KCNIP4: variants seen among roughly 807,000 people sequenced by gnomAD.
KCNIP4 encodes the protein Kv channel-interacting protein 4.
A neutral mutation model predicts 34.0 loss-of-function variants in KCNIP4; 12 were observed. The observed-to-expected ratio is 0.35, with a 90% confidence interval of 0.23 to 0.57. KCNIP4 has a LOEUF of 0.57. Ranked by LOEUF, KCNIP4 falls within the 20% of genes least tolerant of loss-of-function variation. The pLI is 0.83. For missense variants in KCNIP4, 238 were observed against 311.7 expected (o/e 0.76, Z 1.78); for synonymous variants, 124 against 102.2 (o/e 1.21, Z -1.29).
In KCNIP4 at chr4:20,825,979, C is replaced by T. The variant is rs187613316; in HGVS notation, c.288+24564G>A. Among the ~76,000 whole-genome samples, 342 of 150,432 alleles carry T rather than the reference C, an allele frequency of 2.3e-3. 1 individual carries two copies. Among genetic ancestry groups the T allele is most frequent in the African/African-American group, 8.1e-3 (330 of 40,976 alleles). ...GATAAATACTAAAAAGTTTCCATTA[C>T]GTTTTTAAAATAGCAGACTTTTTTT... On this transcript the variant is annotated intron_variant, in intron 3 of 8. Coordinates refer to ENST00000382152, the MANE Select transcript of KCNIP4 (RefSeq NM_025221.6).
intron 1 of KCNIP4, among the ~76,000 whole-genome samples, chr4:21,541,540 C>T (rs539645125): frequency 1.2e-4 from 19 of 152,276 alleles, no homozygotes; most frequent in East Asian, 7.7e-4. Flanking sequence ...GTGAAGTTAA[C>T]GAAGCTTAGG....
intron 1 of KCNIP4, among the ~76,000 whole-genome samples, chr4:21,903,607 CAT>C (rs1164638829): frequency 1.3e-5 from 2 of 152,018 alleles, no homozygotes; most frequent in Non-Finnish European, 2.9e-5. Context: ...GGCTTAAGAA[CAT>C]TATTAAACTC....
At chr4:21,079,413 G>A (rs531724640) in intron 1 of KCNIP4, among the ~76,000 whole-genome samples, 1 of 152,064 alleles carries the variant, frequency 6.6e-6, no homozygotes, top group East Asian at 1.9e-4. Flanking sequence ...GAGATTTAGA[G>A]ATATTCATTT....
intron 1 of KCNIP4, among the ~76,000 whole-genome samples, chr4:21,935,839 T>C (rs1729832198): frequency 6.6e-6 from 1 of 152,074 alleles, no homozygotes; most frequent in Non-Finnish European, 1.5e-5. Context: ...TTAATTCAGT[T>C]AATCCTCAGT....
At chr4:21,019,178 C>A (rs980710188) in intron 1 of KCNIP4, among the ~76,000 whole-genome samples, 1 of 152,042 alleles carries the variant, frequency 6.6e-6, no homozygotes, top group Non-Finnish European at 1.5e-5. Flanking sequence ...GTTGTTGAGA[C>A]GGAGTCTTGC....
chr4:21,918,859 A>T (rs1299126661), intron 1 of KCNIP4, among the ~76,000 whole-genome samples: 1 of 152,148 alleles, frequency 6.6e-6, no homozygotes, highest in Non-Finnish European at 1.5e-5. Context: ...GGAAACCCAA[A>T]ATCTAGCCAC....
At chr4:21,455,103 A>G (rs990251514) in intron 1 of KCNIP4, among the ~76,000 whole-genome samples, 2 of 152,050 alleles carry the variant, frequency 1.3e-5, no homozygotes, top group African/African-American at 4.8e-5. Flanking sequence ...GTCAGATTAC[A>G]TTGCTCTTAT....
chr4:20,778,855 A>G (rs1756603150), intron 3 of KCNIP4, among the ~76,000 whole-genome samples: 1 of 152,270 alleles, frequency 6.6e-6, no homozygotes, highest in African/African-American at 2.4e-5. Context: ...CAATAGTTAG[A>G]GAGAGCTGTG....
At chr4:20,979,670 T>A (rs1393383785) in intron 1 of KCNIP4, among the ~76,000 whole-genome samples, 1 of 152,022 alleles carries the variant, frequency 6.6e-6, no homozygotes, top group East Asian at 1.9e-4. Context: ...AGTGCTGGGA[T>A]TACAGGTGTG....
At chr4:21,275,368 A>G (rs1762380038) in intron 1 of KCNIP4, among the ~76,000 whole-genome samples, 1 of 152,196 alleles carries the variant, frequency 6.6e-6, no homozygotes, top group African/African-American at 2.4e-5. Flanking sequence ...GAATGCCTCT[A>G]GCCACATGAG....
At chr4:21,688,737 T>C (rs1285781825) in intron 1 of KCNIP4, among the ~76,000 whole-genome samples, 1 of 152,036 alleles carries the variant, frequency 6.6e-6, no homozygotes, top group African/African-American at 2.4e-5. Context: ...CAGTGGTTTC[T>C]GCAGCAATCG....
At chr4:21,460,586 C>CAG (rs921383210) in intron 1 of KCNIP4, among the ~76,000 whole-genome samples, 12 of 152,034 alleles carry the variant, frequency 7.9e-5, no homozygotes, top group Non-Finnish European at 1.0e-4. Context: ...TCTAACATGG[C>CAG]AGAGAGAGAG....
chr4:21,089,655 A>G (rs1314803869), intron 1 of KCNIP4, among the ~76,000 whole-genome samples: 1 of 152,222 alleles, frequency 6.6e-6, no homozygotes, highest in Non-Finnish European at 1.5e-5. Context: ...CACAACTTCC[A>G]CAACAAATCT....
In KCNIP4 at chr4:21,353,305, T is replaced by C. The variant is rs151083775; in HGVS notation, c.62-470596A>G. 5.3e-3 allele frequency among the ~76,000 whole-genome samples: 809 copies of C among 152,260 alleles called. 3 individuals carry two copies. The highest frequency in any genetic ancestry group is 0.014 in the Middle Eastern group (4 of 294). On this transcript the variant is annotated intron_variant, in intron 1 of 8. Coordinates refer to ENST00000382152, the MANE Select transcript of KCNIP4 (RefSeq NM_025221.6). ...CTGGATGGAGGATGACTTTGACGAA[T>C]TGACAGAAGTAGGCTTCAGAAGGTC...
intron 1 of KCNIP4, among the ~76,000 whole-genome samples, chr4:20,904,250 T>C (rs1389054708): frequency 6.6e-6 from 1 of 151,736 alleles, no homozygotes; most frequent in Non-Finnish European, 1.5e-5. Context: ...AGGGAAATTT[T>C]TTATCAATGA....
intron 1 of KCNIP4, among the ~76,000 whole-genome samples, chr4:21,481,100 T>C (rs1285120025): frequency 6.6e-6 from 1 of 152,176 alleles, no homozygotes; most frequent in Non-Finnish European, 1.5e-5. Context: ...ACACAACGGT[T>C]ATCTGGAAAG....
At chr4:20,991,085 A>T (rs1737040917) in intron 1 of KCNIP4, among the ~76,000 whole-genome samples, 1 of 152,200 alleles carries the variant, frequency 6.6e-6, no homozygotes. Context: ...CCAAAACTAC[A>T]GTGTTAGCAG....
chr4:21,253,493 T>C lies in KCNIP4; in HGVS notation c.62-370784A>G, dbSNP rs1445887054. On this transcript the variant is annotated intron_variant, in intron 1 of 8. Transcript: ENST00000382152. ...AACCTCTTCTGAAATTACAGCTGTT[T>C]CTACTGCTATCTAGTCTACATTATT... is the stretch of plus-strand genomic sequence containing the variant. 2.6e-5 allele frequency among the ~76,000 whole-genome samples: 4 copies of C among 152,228 alleles called. No homozygotes were observed. The East Asian group carries it at 7.7e-4, about 29-fold the overall frequency.
intron 1 of KCNIP4, among the ~76,000 whole-genome samples, chr4:21,305,455 T>C (rs1712353702): frequency 1.3e-5 from 2 of 152,210 alleles, no homozygotes; most frequent in South Asian, 2.1e-4. Context: ...GCTCAATCAC[T>C]ACCACCTCGG....
Sources: allele counts gnomAD v4.1 joint callset (sites outside exome capture counted in the v4.1 genomes callset), GRCh38; gene constraint gnomAD v4.1.1; transcripts MANE v1.5; gene names NCBI Gene and HGNC (gene_info 2026-07-23, HGNC 2026-07-21).